Variants in NRG3 observed in about 807,000 individuals in gnomAD.
NRG3 encodes the protein pro-neuregulin-3, membrane-bound isoform.
NRG3 carries 31 observed loss-of-function variants against 66.9 expected under a neutral mutation model. The observed-to-expected ratio is 0.46, with a 90% confidence interval of 0.35 to 0.63. The LOEUF (loss-of-function observed/expected upper bound fraction) is 0.63. Among genes scored for constraint, NRG3 ranks in the 20% least tolerant of loss-of-function variants. NRG3 has a pLI of 0.00. For missense variants in NRG3, 910 were observed against 878.9 expected (o/e 1.04, Z -0.45); for synonymous variants, 393 against 359.4 (o/e 1.09, Z -1.06).
intron 2 of NRG3, among the ~76,000 whole-genome samples, chr10:82,407,944 C>T (rs2087658785): frequency 6.6e-6 from 1 of 151,300 alleles, no homozygotes; most frequent in South Asian, 2.1e-4. Context: ...TGGTGCGTGC[C>T]TCTAGTGCCA....
In NRG3 at chr10:82,120,294, G is replaced by A. The variant is rs188060063; in HGVS notation, c.824-238445G>A. Reference sequence around the variant, plus strand: ...GAAAGAGATGACTCAGCCTTGTAACGACAGGAGACCCGTGGAAATGGTTTC... The same window carrying A: ...GAAAGAGATGACTCAGCCTTGTAACAACAGGAGACCCGTGGAAATGGTTTC... On this transcript the variant is annotated intron_variant, in intron 1 of 8. Coordinates refer to ENST00000372141, the MANE Select transcript of NRG3 (RefSeq NM_001010848.4). Among the ~76,000 whole-genome samples, 710 of 152,212 alleles carry A rather than the reference G, an allele frequency of 4.7e-3. 5 individuals carry two copies. Among genetic ancestry groups the A allele is most frequent in the African/African-American group, 0.016 (682 of 41,548 alleles).
intron 1 of NRG3, among the ~76,000 whole-genome samples, chr10:81,981,856 G>C (rs2060344036): frequency 3.3e-5 from 5 of 152,124 alleles, no homozygotes; most frequent in Non-Finnish European, 5.9e-5. Context: ...GTCCCCTTTA[G>C]TCCAAGCCGA....
chr10:81,913,873 T>TAGAAAA (rs1845419628), intron 1 of NRG3, among the ~76,000 whole-genome samples: 1 of 152,214 alleles, frequency 6.6e-6, no homozygotes, highest in Non-Finnish European at 1.5e-5. Context: ...AATTGAAACA[T>TAGAAAA]ACTTTAAAAG....
At chr10:82,266,794 G>A (rs908717126) in intron 1 of NRG3, among the ~76,000 whole-genome samples, 1 of 152,168 alleles carries the variant, frequency 6.6e-6, no homozygotes, top group South Asian at 2.1e-4. Context: ...GTAAGCAACT[G>A]CCTCATTTCC....
intron 2 of NRG3, among the ~76,000 whole-genome samples, chr10:82,715,212 T>C (rs990007625): frequency 6.6e-6 from 1 of 152,134 alleles, no homozygotes; most frequent in Non-Finnish European, 1.5e-5. Context: ...CTGAGCAACA[T>C]GGCAAAACCC....
chr10:82,936,620 C>CA (rs1234261796), intron 4 of NRG3, among the ~76,000 whole-genome samples: 26 of 152,032 alleles, frequency 1.7e-4, no homozygotes, highest in Non-Finnish European at 2.5e-4. Context: ...CTTTTCCCCA[C>CA]AAAAATGATA....
At chr10:82,554,578 G>A (rs1042417842) in intron 2 of NRG3, among the ~76,000 whole-genome samples, 1 of 152,112 alleles carries the variant, frequency 6.6e-6, no homozygotes, top group African/African-American at 2.4e-5. Context: ...TTTCCTGAAG[G>A]CTGCGACATT....
At chr10:82,604,803 C>G (rs968500875) in intron 2 of NRG3, among the ~76,000 whole-genome samples, 7 of 152,012 alleles carry the variant, frequency 4.6e-5, no homozygotes, top group Admixed American at 2.6e-4. Flanking sequence ...AGGCAAATTT[C>G]TTTTTCTTTT....
At chr10:82,117,124 G>A (rs566405374) in intron 1 of NRG3, among the ~76,000 whole-genome samples, 1 of 152,152 alleles carries the variant, frequency 6.6e-6, no homozygotes, top group African/African-American at 2.4e-5. Flanking sequence ...TCTGTCATAG[G>A]TCATATTTAA....
At chr10:82,284,283 C>T (rs1210381989) in intron 1 of NRG3, among the ~76,000 whole-genome samples, 1 of 152,280 alleles carries the variant, frequency 6.6e-6, no homozygotes, top group East Asian at 1.9e-4. Flanking sequence ...GATTTCATAC[C>T]GCAGACGCCA....
At chr10:82,121,251 T>C (rs78600885) in intron 1 of NRG3, among the ~76,000 whole-genome samples, 1,807 of 152,242 alleles carry the variant, frequency 0.012, 36 homozygotes, top group African/African-American at 0.042. Flanking sequence ...TCTTCTAACA[T>C]TGGTCCTCAA....
intron 1 of NRG3, among the ~76,000 whole-genome samples, chr10:81,939,913 C>T (rs1381378147): frequency 1.3e-5 from 2 of 151,710 alleles, no homozygotes; most frequent in Admixed American, 6.6e-5. Context: ...TTTACTGTTA[C>T]AAACTTCTTT....
At chr10:82,879,181 G>T (rs1842080877) in intron 4 of NRG3, among the ~76,000 whole-genome samples, 1 of 152,140 alleles carries the variant, frequency 6.6e-6, no homozygotes, top group African/African-American at 2.4e-5. Flanking sequence ...TAAGTTCTGT[G>T]ATAGTAGAAC....
intron 3 of NRG3, among the ~76,000 whole-genome samples, chr10:82,808,778 TC>T (rs1225190655): frequency 4.6e-5 from 7 of 152,218 alleles, no homozygotes; most frequent in Non-Finnish European, 5.9e-5. Context: ...TATTGTTTTT[TC>T]ACCTGTCCTG....
At position 82,306,596 on chromosome 10, in the gene NRG3, C is replaced by T. The variant is rs778700843; in HGVS notation, c.824-52143C>T. Among the ~76,000 whole-genome samples the T allele has an allele frequency of 8.7e-5, 13 of 149,170 alleles. 1 individual carries two copies. The highest frequency in any genetic ancestry group is 2.8e-4 in the Admixed American group (4 of 14,518). On this transcript the variant is annotated intron_variant, in intron 1 of 8. Coordinates refer to ENST00000372141, the MANE Select transcript of NRG3 (RefSeq NM_001010848.4). ...GTGGTCGTCTGTAGTCCCAGCTAAT[C>T]GGGAGGCTGAGGCAGGAGAATGGCG...
intron 2 of NRG3, among the ~76,000 whole-genome samples, chr10:82,572,589 G>GT (rs571623201): frequency 0.022 from 3,282 of 148,590 alleles, 103 homozygotes; most frequent in African/African-American, 0.075. Flanking sequence ...CAATCAGGTG[G>GT]TTTTTTTTGT....
Position 82,614,178 on chromosome 10 carries a change from G to A in NRG3, c.954-124399G>A, listed in dbSNP as rs146028374. Among the ~76,000 whole-genome samples, 512 of 152,260 alleles carry A rather than the reference G, an allele frequency of 3.4e-3. 3 individuals carry two copies. Among genetic ancestry groups the A allele is most frequent in the African/African-American group, 0.012 (480 of 41,566 alleles). ...CTCCCAAAGCTCTGGGATTATAGGC[G>A]TGAGCCATTGTGCCCACCTGGGGCA... On this transcript the variant is annotated intron_variant, in intron 2 of 8. Coordinates refer to ENST00000372141, the MANE Select transcript of NRG3 (RefSeq NM_001010848.4).
chr10:82,636,617 T>A (rs2050215128), intron 2 of NRG3, among the ~76,000 whole-genome samples: 1 of 152,214 alleles, frequency 6.6e-6, no homozygotes, highest in African/African-American at 2.4e-5. Flanking sequence ...AAAGGCTGAA[T>A]AATATTCAGT....
At position 82,001,194 on chromosome 10, in the gene NRG3, AG is replaced by A. The variant is rs745399754; in HGVS notation, c.823+125032del. On this transcript the variant is annotated intron_variant, in intron 1 of 8. Coordinates refer to ENST00000372141, the MANE Select transcript of NRG3 (RefSeq NM_001010848.4). ...CATTTTTAAAAAAGGAAAGTGTAAG[AG>A]AAAAAAAAAAAAAAAGCAAAGGAAA... 1.1e-3 allele frequency among the ~76,000 whole-genome samples: 115 copies of A among 101,186 alleles called. 1 individual carries two copies. The highest frequency in any genetic ancestry group is 4.8e-3 in the Admixed American group (34 of 7,064). 66.4% of individuals were successfully genotyped at this position (101,186 alleles called of 152,430 possible). A position where few individuals can be genotyped will look rare whatever the true frequency, so the allele number is the denominator to read the frequency against.
Sources: gnomAD v4.1 joint callset for allele counts (sites outside exome capture counted in the v4.1 genomes callset) on GRCh38, gnomAD v4.1.1 for gene constraint, MANE v1.5 for transcripts, NCBI Gene and HGNC (gene_info 2026-07-23, HGNC 2026-07-21) for gene names.